Variants in PPARGC1B observed in about 807,000 individuals in gnomAD.
The protein encoded by PPARGC1B is PPARG coactivator 1 beta.
In PPARGC1B, 34 loss-of-function variants were observed where a neutral mutation model predicts 101.6. The ratio of observed to expected loss-of-function variants is 0.33; its 90% CI spans 0.25 to 0.45. The LOEUF (loss-of-function observed/expected upper bound fraction) is 0.45. Among genes scored for constraint, PPARGC1B ranks in the 20% least tolerant of loss-of-function variants. PPARGC1B has a pLI of 1.00. For synonymous variants in PPARGC1B, 548 were observed against 539.3 expected, an observed-to-expected ratio of 1.02 and a Z score of -0.22; for missense variants, 1,234 against 1,317.6, an observed-to-expected ratio of 0.94 and a Z score of 0.98.
downstream of PPARGC1B, among the ~76,000 whole-genome samples, chr5:149,856,396 A>T (rs190288736): frequency 5.9e-5 from 9 of 152,230 alleles, no homozygotes; most frequent in African/African-American, 2.2e-4. Context: ...AGGGCTCAGT[A>T]CCTGTTGCCC....
chr5:149,843,182 T>C (rs1360444207), intron 10 of PPARGC1B, among the ~76,000 whole-genome samples: 1 of 152,112 alleles, frequency 6.6e-6, no homozygotes, highest in Non-Finnish European at 1.5e-5. Context: ...CCCAGGCCTT[T>C]TGTTCTACTA....
rs552625802 is a variant in PPARGC1B at position 149,830,238 on chromosome 5, T to C, written c.466-529T>C. On this transcript the variant is annotated intron_variant, in intron 3 of 11. Transcript: ENST00000309241. ...ATTGTCTGCCCTTTAGTATTTGTGA[T>C]GTGTCTTCTTTTTTTTTTTTAATCA... 1.7e-4 allele frequency among the ~76,000 whole-genome samples: 26 copies of C among 151,682 alleles called. No homozygotes were observed. In the South Asian group the frequency reaches 4.6e-3, roughly 27 times the overall value.
chr5:149,843,578 T>C (rs1400232000), intron 10 of PPARGC1B, among the ~76,000 whole-genome samples: 1 of 152,200 alleles, frequency 6.6e-6, no homozygotes, highest in Non-Finnish European at 1.5e-5. Context: ...TGGAAAACAG[T>C]ATGGCAGTTC....
intron 1 of PPARGC1B, among the ~76,000 whole-genome samples, chr5:149,814,105 T>C (rs1303650727): frequency 6.6e-6 from 1 of 152,180 alleles, no homozygotes; most frequent in East Asian, 1.9e-4. Flanking sequence ...CAACCTGTGG[T>C]ACTTTATCTT....
intron 1 of PPARGC1B, among the ~76,000 whole-genome samples, chr5:149,793,935 G>C (rs961562786): frequency 6.6e-6 from 1 of 152,216 alleles, no homozygotes; most frequent in African/African-American, 2.4e-5. Context: ...AGCAAGCTAC[G>C]TATGGTCCTG....
intron 1 of PPARGC1B, among the ~76,000 whole-genome samples, chr5:149,810,922 A>G (rs1561570842): frequency 6.6e-6 from 1 of 152,226 alleles, no homozygotes; most frequent in African/African-American, 2.4e-5. Context: ...GTAGTCCATC[A>G]TAAGACTTTA....
chr5:149,817,970 C>T (rs1044834159), intron 1 of PPARGC1B, among the ~76,000 whole-genome samples: 4 of 152,194 alleles, frequency 2.6e-5, no homozygotes, highest in East Asian at 1.9e-4. Flanking sequence ...ACCAATTATC[C>T]ATGTAGAACA....
chr5:149,771,959 C>T, intron 1 of PPARGC1B: 2 of 1,309,384 alleles, frequency 1.5e-6, no homozygotes, highest in South Asian at 1.6e-5. Flanking sequence ...TTTTAATCCT[C>T]AAGCAACTCT....
chr5:149,757,371 G>T (rs1307116903), intron 1 of PPARGC1B, among the ~76,000 whole-genome samples: 1 of 151,770 alleles, frequency 6.6e-6, no homozygotes. Context: ...CAGAGCAGGT[G>T]ATATGCTAGT....
intron 1 of PPARGC1B, among the ~76,000 whole-genome samples, chr5:149,786,881 G>A (rs1433704623): frequency 6.6e-6 from 1 of 152,300 alleles, no homozygotes; most frequent in African/African-American, 2.4e-5. Context: ...CTTGGTGCCT[G>A]CTGCATTTCT....
intron 1 of PPARGC1B, among the ~76,000 whole-genome samples, chr5:149,786,983 A>G (rs577928064): frequency 6.6e-6 from 1 of 152,298 alleles, no homozygotes; most frequent in East Asian, 1.9e-4. Flanking sequence ...CGCAAAAAGA[A>G]GTTGATTGGT....
intron 1 of PPARGC1B, among the ~76,000 whole-genome samples, chr5:149,738,251 C>T (rs994550288): frequency 2.0e-5 from 3 of 151,200 alleles, no homozygotes; most frequent in African/African-American, 4.9e-5. Flanking sequence ...AATCAGTCCT[C>T]ATTGAATGAT....
At chr5:149,820,407 C>T (rs763971702) in intron 1 of PPARGC1B, 26 bp from the exon 2 acceptor site, 1 of 1,607,808 alleles carries the variant, frequency 6.2e-7, no homozygotes, top group Non-Finnish European at 8.5e-7. Flanking sequence ...AGCTCTGATC[C>T]ACCTCTTTCC....
chr5:149,792,871 C>T (rs1197699023), intron 1 of PPARGC1B, among the ~76,000 whole-genome samples: 2 of 152,122 alleles, frequency 1.3e-5, no homozygotes, highest in Non-Finnish European at 2.9e-5. Flanking sequence ...TTCATTTTGA[C>T]ATTCTTCCTT....
chr5:149,801,043 C>T (rs1757413103), intron 1 of PPARGC1B, among the ~76,000 whole-genome samples: 1 of 152,044 alleles, frequency 6.6e-6, no homozygotes, highest in African/African-American at 2.4e-5. Context: ...GGGTTTGTCC[C>T]ATGTGTATGG....
chr5:149,791,398 G>A (rs1171270258), intron 1 of PPARGC1B, among the ~76,000 whole-genome samples: 2 of 151,692 alleles, frequency 1.3e-5, no homozygotes, highest in Non-Finnish European at 2.9e-5. Context: ...CCAAGAGACC[G>A]TGCAAGACTG....
chr5:149,759,481 G>T (rs569506336), intron 1 of PPARGC1B, among the ~76,000 whole-genome samples: 1 of 152,310 alleles, frequency 6.6e-6, no homozygotes, highest in East Asian at 1.9e-4. Context: ...CGTGGAGCAG[G>T]AGGGGCAGGA....
intron 3 of PPARGC1B, among the ~76,000 whole-genome samples, chr5:149,829,337 C>A (rs187319507): frequency 5.3e-4 from 81 of 152,298 alleles, no homozygotes; most frequent in African/African-American, 1.8e-3. Context: ...AGGTCTCTTT[C>A]CCCCAGTCCT....
intron 1 of PPARGC1B, among the ~76,000 whole-genome samples, chr5:149,800,033 A>G (rs1440179425): frequency 6.6e-6 from 1 of 151,716 alleles, no homozygotes; most frequent in Non-Finnish European, 1.5e-5. Context: ...TGCAGCATGT[A>G]TATGATAAAA....
Sources: allele counts gnomAD v4.1 joint callset (sites outside exome capture counted in the v4.1 genomes callset), GRCh38; gene constraint gnomAD v4.1.1; transcripts MANE v1.5; gene names NCBI Gene and HGNC (gene_info 2026-07-23, HGNC 2026-07-21).